Variants in RAB8B observed in about 807,000 individuals in gnomAD.
RAB8B encodes the protein ras-related protein Rab-8B.
A neutral mutation model predicts 32.0 loss-of-function variants in RAB8B; 11 were observed. That is an observed-to-expected ratio of 0.34 (90% confidence interval 0.22 to 0.57). RAB8B has a LOEUF of 0.57. RAB8B is among the 20% of genes least tolerant of loss of function. The pLI is 0.86. For missense variants in RAB8B, 190 were observed against 258.5 expected, an observed-to-expected ratio of 0.73 and a Z score of 1.82; for synonymous variants, 103 against 89.6, an observed-to-expected ratio of 1.15 and a Z score of -0.85.
chr15:63,240,335 ATC>A (rs984726563), intron 1 of RAB8B, among the ~76,000 whole-genome samples: 12 of 152,100 alleles, frequency 7.9e-5, no homozygotes, highest in African/African-American at 2.9e-4. Flanking sequence ...TGAATGTGTA[ATC>A]TCTTAGGTTT....
chr15:63,216,859 C>CAA (rs36022071), intron 1 of RAB8B, among the ~76,000 whole-genome samples: 18 of 59,344 alleles, frequency 3.0e-4, no homozygotes, highest in East Asian at 9.9e-4. Context: ...GACTCTGTCT[C>CAA]AAAAAAAAAA....
intron 1 of RAB8B, among the ~76,000 whole-genome samples, chr15:63,230,442 C>T (rs1455113646): frequency 1.3e-5 from 2 of 152,102 alleles, no homozygotes; most frequent in Non-Finnish European, 2.9e-5. Flanking sequence ...GCTGGGATTA[C>T]AGGCGCCCAC....
chr15:63,216,824 C>T (rs926183179), intron 1 of RAB8B, among the ~76,000 whole-genome samples: 1 of 148,710 alleles, frequency 6.7e-6, no homozygotes, highest in African/African-American at 2.5e-5. Flanking sequence ...CATGCCGCTG[C>T]ACTCCAGCCT....
At chr15:63,200,663 C>A (rs1257667912) in intron 1 of RAB8B, among the ~76,000 whole-genome samples, 6 of 150,610 alleles carry the variant, frequency 4.0e-5, no homozygotes, top group East Asian at 1.9e-4. Context: ...AAAAAAAAAA[C>A]CTCATGGTGA....
intron 1 of RAB8B, among the ~76,000 whole-genome samples, chr15:63,230,600 C>A (rs1260019106): frequency 1.3e-5 from 2 of 152,194 alleles, no homozygotes; most frequent in African/African-American, 4.8e-5. Flanking sequence ...CCACGCCCGG[C>A]CTGTTATCAC....
intron 1 of RAB8B, among the ~76,000 whole-genome samples, chr15:63,209,199 G>A: frequency 6.7e-6 from 1 of 149,820 alleles, no homozygotes; most frequent in South Asian, 2.2e-4. Context: ...AACATGTTTT[G>A]TCTTTGTGTT....
rs1415164726 is a variant in RAB8B at position 63,266,012 on chromosome 15, G to A, written c.*2393G>A. 6.6e-6 allele frequency: 1 copy of A among 152,516 alleles called. No homozygotes were observed. Among genetic ancestry groups the A allele is most frequent in the Admixed American group, 6.5e-5 (1 of 15,276 alleles). 9.4% of individuals were successfully genotyped at this position (152,516 alleles called of 1,614,324 possible). On this transcript the variant is annotated 3_prime_UTR_variant, in exon 8 of 8. Coordinates refer to ENST00000321437, the MANE Select transcript of RAB8B (RefSeq NM_016530.3). ...ACCTTAGGAAATTCACTTTCTGCAT[G>A]ATAAAATGACCCAATAAATATTCCA...
intron 1 of RAB8B, among the ~76,000 whole-genome samples, chr15:63,223,331 C>T (rs936755919): frequency 6.6e-6 from 1 of 152,046 alleles, no homozygotes; most frequent in South Asian, 2.1e-4. Flanking sequence ...AGGCTGGTCT[C>T]GAACTCCTGA....
intron 1 of RAB8B, chr15:63,223,103 T>A (rs2037858437): frequency 6.7e-6 from 3 of 446,468 alleles, no homozygotes; most frequent in Non-Finnish European, 1.3e-5. Context: ...ATACCATTTT[T>A]ATTTTACTTA....
At chr15:63,217,098 C>T (rs2037798951) in intron 1 of RAB8B, among the ~76,000 whole-genome samples, 1 of 151,936 alleles carries the variant, frequency 6.6e-6, no homozygotes, top group South Asian at 2.1e-4. Flanking sequence ...TTTCCTTCAT[C>T]TTTAGAAAGA....
chr15:63,228,787 C>T (rs1253834747), intron 1 of RAB8B, among the ~76,000 whole-genome samples: 2 of 152,108 alleles, frequency 1.3e-5, no homozygotes, highest in African/African-American at 2.4e-5. Context: ...GCAAGGGCAG[C>T]CCCTAAAAGC....
At chr15:63,263,090 C>G (rs2038215450) in intron 7 of RAB8B, among the ~76,000 whole-genome samples, 1 of 152,142 alleles carries the variant, frequency 6.6e-6, no homozygotes, top group South Asian at 2.1e-4. Flanking sequence ...CTAAAGTTTG[C>G]TTAAATTTGA....
At chr15:63,260,154 G>A (rs1488361465) in intron 6 of RAB8B, among the ~76,000 whole-genome samples, 2 of 152,238 alleles carry the variant, frequency 1.3e-5, no homozygotes, top group South Asian at 2.1e-4. Context: ...TTATGTAGAC[G>A]CTGGTTGTTG....
At chr15:63,237,726 T>C (rs2037993746) in intron 1 of RAB8B, among the ~76,000 whole-genome samples, 1 of 152,176 alleles carries the variant, frequency 6.6e-6, no homozygotes, top group South Asian at 2.1e-4. Context: ...GTACAGAAGC[T>C]TTTTAACTTG....
chr15:63,262,210 G>C (rs1454417158), intron 6 of RAB8B, among the ~76,000 whole-genome samples: 1 of 152,088 alleles, frequency 6.6e-6, no homozygotes, highest in Non-Finnish European at 1.5e-5. Context: ...CTAGGGAAGT[G>C]GGGTAGCTTA....
At chr15:63,233,945 C>G (rs2037956493) in intron 1 of RAB8B, among the ~76,000 whole-genome samples, 1 of 152,144 alleles carries the variant, frequency 6.6e-6, no homozygotes, top group Non-Finnish European at 1.5e-5. Flanking sequence ...TGTTATGATT[C>G]ATTGAAAGGC....
At chr15:63,206,641 A>G (rs1184060041) in intron 1 of RAB8B, among the ~76,000 whole-genome samples, 1 of 151,948 alleles carries the variant, frequency 6.6e-6, no homozygotes, top group East Asian at 1.9e-4. Context: ...CTCCTCCGTC[A>G]TCTGTCTTCT....
Position 63,263,597 on chromosome 15 carries a change from T to C in RAB8B, c.602T>C (p.Phe201Ser). ...ITENRSKKTS[F>S]FRCSLL ...GAAAACCGATCAAAGAAGACCAGTT[T>C]CTTTCGTTGCTCGCTACTTTGATGA... Residue 201 changes from phenylalanine (F) to serine (S), a missense_variant, in exon 8 of 8, where the codon TTC (phenylalanine) becomes TCC (serine). Physicochemically the swap from Phe to Ser is radical, Grantham distance 155. Coordinates refer to ENST00000321437, the MANE Select transcript of RAB8B (RefSeq NM_016530.3). 6.2e-7 allele frequency: 1 copy of C among 1,610,844 alleles called. No individual in the cohort carries two copies.
At chr15:63,229,316 G>A (rs1256167789) in intron 1 of RAB8B, among the ~76,000 whole-genome samples, 2 of 152,162 alleles carry the variant, frequency 1.3e-5, no homozygotes, top group Admixed American at 6.5e-5. Flanking sequence ...ATTGCCCTTC[G>A]GGGCTCAAGT....
Sources: gnomAD v4.1 joint callset for allele counts (sites outside exome capture counted in the v4.1 genomes callset) on GRCh38, gnomAD v4.1.1 for gene constraint, MANE v1.5 for transcripts, NCBI Gene and HGNC (gene_info 2026-07-23, HGNC 2026-07-21) for gene names.